The following SHD variants were observed in gnomAD, a reference collection of about 807,000 sequenced individuals.
SHD encodes SH2 domain-containing adapter protein D.
SHD carries 29 observed loss-of-function variants against 31.2 expected under a neutral mutation model. The observed-to-expected ratio is 0.93, with a 90% CI of 0.69 to 1.27. The LOEUF is 1.27. Among genes scored for constraint, SHD ranks in the 50% most tolerant of loss-of-function variants. The pLI, the probability that SHD is intolerant of heterozygous loss-of-function variation, is 0.00. For synonymous variants in SHD, 208 were observed against 187.8 expected, an observed-to-expected ratio of 1.11 and a Z score of -0.88; for missense variants, 520 against 453.8, an observed-to-expected ratio of 1.15 and a Z score of -1.33.
Position 4,280,049 on chromosome 19 carries a change from G to T in SHD, c.-15G>T, listed in dbSNP as rs1265121686. 1 of 1,585,342 alleles carries T rather than the reference G, an allele frequency of 6.3e-7. No homozygotes were observed. The highest frequency in any genetic ancestry group is 1.1e-5 in the South Asian group (1 of 87,940). ...CCCCTCTGACAGTGGCCCGATTGGG[G>T]TGACAGGCGCCCAAATGGCCAAGTG... On this transcript the variant is annotated 5_prime_UTR_variant, in exon 1 of 6. Coordinates refer to ENST00000543264, the MANE Select transcript of SHD (RefSeq NM_020209.4).
intron 1 of SHD, among the ~76,000 whole-genome samples, chr19:4,281,666 G>A (rs1005537591): frequency 7.2e-5 from 11 of 151,988 alleles, no homozygotes; most frequent in African/African-American, 2.7e-4. Flanking sequence ...GCTGAGGCAG[G>A]AGAATTGCTT....
Position 4,279,796 on chromosome 19 carries a change from TC to T in SHD, c.-262del, listed in dbSNP as rs150713531. 11 of 484,662 alleles carry T rather than the reference TC, an allele frequency of 2.3e-5. No individual in the cohort carries two copies. The highest frequency in any genetic ancestry group is 1.8e-4 in the East Asian group (5 of 28,522). The allele number at this position is 484,662 out of a possible 1,614,324, so 30.0% of individuals were successfully genotyped here. A position where few individuals can be genotyped will look rare whatever the true frequency, so the allele number is the denominator to read the frequency against. ...GCGCGGGGTTCGGGGCCCTGCGAGG[TC>T]CCCCCTTCCCCCGCGGTGCTTCCCA... On this transcript the variant is annotated 5_prime_UTR_variant, in exon 1 of 6. It removes the in-frame stop codon of an upstream open reading frame in the 5' UTR. Coordinates refer to ENST00000543264, the MANE Select transcript of SHD (RefSeq NM_020209.4). This position sits in a 1 kb window ranked among gnomAD's most constrained non-coding sequence, Gnocchi z 7.5.
chr19:4,285,493 G>T (rs938747781), intron 4 of SHD, among the ~76,000 whole-genome samples: 1 of 152,104 alleles, frequency 6.6e-6, no homozygotes, highest in African/African-American at 2.4e-5. Context: ...GGGCAATACA[G>T]AACTGGCTAT....
intron 3 of SHD, among the ~76,000 whole-genome samples, chr19:4,283,565 TA>T (rs5826838): frequency 2.9e-4 from 37 of 127,680 alleles, no homozygotes; most frequent in East Asian, 1.8e-3. Flanking sequence ...TATTTTATTT[TA>T]TTTTATTTTA....
intron 4 of SHD, 183 bp from the exon 5 acceptor site, chr19:4,288,060 C>G: frequency 1.8e-6 from 1 of 541,474 alleles, no homozygotes; most frequent in Non-Finnish European, 2.9e-6. Flanking sequence ...CGCCACCACG[C>G]CCGGCTAATT....
chr19:4,289,152 C>T (rs1177279533), intron 5 of SHD, among the ~76,000 whole-genome samples: 6 of 146,320 alleles, frequency 4.1e-5, no homozygotes, highest in Non-Finnish European at 9.0e-5. Context: ...GCTCTGTCAC[C>T]CAGGCTGGAG....
At chr19:4,290,106 C>T (rs987268287) in intron 5 of SHD, among the ~76,000 whole-genome samples, 2 of 149,410 alleles carry the variant, frequency 1.3e-5, no homozygotes, top group Non-Finnish European at 3.0e-5. Flanking sequence ...AAACTCGTAA[C>T]CTCAAGTGAT....
intron 4 of SHD, among the ~76,000 whole-genome samples, chr19:4,286,186 C>G (rs2054322247): frequency 6.6e-6 from 1 of 151,936 alleles, no homozygotes; most frequent in African/African-American, 2.4e-5. Flanking sequence ...GCCACCGCAC[C>G]TGGCCCGCTC....
chr19:4,290,027 C>T (rs1025459344), intron 5 of SHD, among the ~76,000 whole-genome samples: 7 of 151,978 alleles, frequency 4.6e-5, no homozygotes, highest in Admixed American at 4.6e-4. Flanking sequence ...AGGCACCCGC[C>T]ACCACGCCCG....
Position 4,284,832 on chromosome 19 carries a change from T to C in SHD, c.644T>C (p.Leu215Pro), listed in dbSNP as rs553757764. 279 of 1,613,084 alleles carry C rather than the reference T, an allele frequency of 1.7e-4. No individual in the cohort carries two copies. The South Asian group carries it at 2.9e-3, about 17-fold the overall frequency. Reference protein sequence around the residue: ...WERTPGSAKELRRPPPRSPQP... With the variant: ...WERTPGSAKEPRRPPPRSPQP... Reference sequence around the variant, plus strand: ...AGGACTCCAGGCTCAGCCAAGGAGCTCCGGAGACCTCCGCCCAGAAGCCCC... The same window carrying C: ...AGGACTCCAGGCTCAGCCAAGGAGCCCCGGAGACCTCCGCCCAGAAGCCCC... Residue 215 changes from leucine to proline, a missense_variant, in exon 4 of 6, where the codon CTC becomes CCC. Coordinates refer to ENST00000543264, the MANE Select transcript of SHD (RefSeq NM_020209.4).
At position 4,290,613 on chromosome 19, in the gene SHD, G is replaced by A. The variant is rs139133532; in HGVS notation, c.1003G>A (p.Val335Met). 1.3e-5 allele frequency: 21 copies of A among 1,610,136 alleles called. No individual in the cohort carries two copies. The highest frequency in any genetic ancestry group is 1.5e-5 in the Non-Finnish European group (18 of 1,177,870). The change falls in exon 6 of 6, where the codon GTG becomes ATG. Residue 335 changes from valine (V) to methionine (M), a missense_variant. Transcript: ENST00000543264. ...CGAGCATCTGGCTCTGCTGTACCCC[G>A]TGGTCACGCAGACCCCCTGACAGTG... ...GAEHLALLYPVVTQTP is the reference protein window; with the variant it reads ...GAEHLALLYPMVTQTP
chr19:4,285,947 A>C (rs1458426970), intron 4 of SHD, among the ~76,000 whole-genome samples: 2 of 126,634 alleles, frequency 1.6e-5, no homozygotes, highest in African/African-American at 6.1e-5. Context: ...GCTGGAGTGC[A>C]ATGACACAAT....
In SHD at chr19:4,283,156, G is replaced by A. The variant is rs201563894; in HGVS notation, c.506G>A (p.Arg169Gln). 60 of 1,614,128 alleles carry A rather than the reference G, an allele frequency of 3.7e-5. No homozygotes were observed. In the East Asian group the frequency reaches 4.2e-4, roughly 11 times the overall value. Reference protein sequence around the residue: ...PPSGQKPRQSRMPQEDERPAD... With the variant: ...PPSGQKPRQSQMPQEDERPAD... ...TCTGGGCAGAAGCCTCGGCAGAGCC[G>A]GATGCCCCAGGAAGATGAACGGCCA... Residue 169 changes from arginine to glutamine, a missense_variant, in exon 3 of 6, where the codon CGG becomes CAG. Physicochemically the swap from Arg to Gln is conservative, Grantham distance 43. Coordinates refer to ENST00000543264, the MANE Select transcript of SHD (RefSeq NM_020209.4).
At chr19:4,281,631 G>A (rs952857496) in intron 1 of SHD, among the ~76,000 whole-genome samples, 10 of 150,980 alleles carry the variant, frequency 6.6e-5, no homozygotes, top group East Asian at 2.0e-4. Context: ...TGTGGCGTGC[G>A]CCTATAATCC....
chr19:4,280,424 C>T, intron 1 of SHD, 64 bp downstream of exon 1: 2 of 1,465,144 alleles, frequency 1.4e-6, no homozygotes, highest in Non-Finnish European at 9.1e-7. Context: ...CTCTCTGGAT[C>T]GTGGAGAGCT....
rs373681026 is a variant in SHD, at chr19:4,288,320, G to A, written c.794G>A (p.Arg265Gln). 1.6e-5 allele frequency: 26 copies of A among 1,613,892 alleles called. No individual in the cohort carries two copies. The highest frequency in any genetic ancestry group is 1.6e-4 in the Middle Eastern group (1 of 6,062). ...TGCAAGGAAGGCAGCTACCTAGTGC[G>A]GCTCAGTGAGACCAACCCCCAGGAC... is the stretch of plus-strand genomic sequence containing the variant. ...SLCKEGSYLVRLSETNPQDCS... is the reference protein window; with the variant it reads ...SLCKEGSYLVQLSETNPQDCS... Residue 265 changes from arginine (R) to glutamine (Q), a missense_variant, in exon 5 of 6, where the codon CGG (arginine) becomes CAG (glutamine). By Grantham distance (43) the Arg-to-Gln change is conservative (BLOSUM62 1). Transcript: ENST00000543264.
intron 1 of SHD, 35 bp from the exon 2 acceptor site, chr19:4,282,835 G>C (rs1363415884): frequency 1.7e-5 from 28 of 1,601,838 alleles, no homozygotes; most frequent in Non-Finnish European, 2.4e-5. Context: ...AAGCCCCTCT[G>C]AGTCCTTGTC....
At chr19:4,281,824 G>T (rs1411736700) in intron 1 of SHD, among the ~76,000 whole-genome samples, 2 of 152,144 alleles carry the variant, frequency 1.3e-5, no homozygotes, top group African/African-American at 2.4e-5. Flanking sequence ...AAACCAGTCA[G>T]CCGGGATCAG....
rs372206663 is a variant in SHD, at chr19:4,283,147, G to A, written c.497G>A (p.Arg166Gln). 5 of 1,613,996 alleles carry A rather than the reference G, an allele frequency of 3.1e-6. No individual in the cohort carries two copies. Among genetic ancestry groups the A allele is most frequent in the Non-Finnish European group, 2.5e-6 (3 of 1,180,046 alleles). Reference protein sequence around the residue: ...ADGPPSGQKPRQSRMPQEDER... With the variant: ...ADGPPSGQKPQQSRMPQEDER... ...GGACCCCCTTCTGGGCAGAAGCCTC[G>A]GCAGAGCCGGATGCCCCAGGAAGAT... The change falls in exon 3 of 6, where the codon CGG (arginine) becomes CAG (glutamine). Residue 166 changes from arginine (R) to glutamine (Q), a missense_variant. By Grantham distance (43) the Arg-to-Gln change is conservative. Transcript: ENST00000543264.
Sources: gnomAD v4.1 joint callset for allele counts (sites outside exome capture counted in the v4.1 genomes callset) on GRCh38, gnomAD v4.1.1 for gene constraint, Gnocchi (gnomAD v3.1) non-coding constraint, MANE v1.5 for transcripts, NCBI Gene and HGNC (gene_info 2026-07-23, HGNC 2026-07-21) for gene names.